MSI2: variants seen among roughly 807,000 people sequenced by gnomAD.
The protein encoded by MSI2 is RNA-binding protein Musashi homolog 2.
Under a neutral mutation model 45.6 loss-of-function variants are expected in MSI2, and 17 were observed. The observed-to-expected ratio is 0.37, with a 90% CI of 0.26 to 0.56. The LOEUF (loss-of-function observed/expected upper bound fraction) is 0.56, where lower values mean the gene tolerates loss of function less well. Among genes scored for constraint, MSI2 ranks in the 20% least tolerant of loss-of-function variants. The probability of loss-of-function intolerance (pLI) is 0.77; values close to 1 mark genes in which losing one functional copy is unlikely to be tolerated. For missense variants in MSI2, 293 were observed against 444.2 expected, an observed-to-expected ratio of 0.66 and a Z score of 3.06; for synonymous variants, 156 against 158.2, an observed-to-expected ratio of 0.99 and a Z score of 0.11.
rs145617987 is a variant in MSI2 at position 57,281,748 on chromosome 17, G to A, written c.312+19556G>A. Among the ~76,000 whole-genome samples the A allele has an allele frequency of 5.0e-3, 756 of 152,306 alleles. 4 individuals are homozygous for A. The highest frequency in any genetic ancestry group is 0.017 in the African/African-American group (717 of 41,560). Reference sequence around the variant, plus strand: ...TCAAAGGTGAGCCCGTTCTGCCTCAGTGAGGCCTTTTGTGTAAAAAGGGCC... The same window carrying A: ...TCAAAGGTGAGCCCGTTCTGCCTCAATGAGGCCTTTTGTGTAAAAAGGGCC... On this transcript the variant is annotated intron_variant, in intron 5 of 13. Transcript: ENST00000284073.
At chr17:57,558,203 G>A (rs1156848426) in intron 7 of MSI2, among the ~76,000 whole-genome samples, 3 of 152,132 alleles carry the variant, frequency 2.0e-5, no homozygotes, top group African/African-American at 7.2e-5. Flanking sequence ...AGCGTATTAG[G>A]CGCCTCTGTA....
At chr17:57,479,122 C>T (rs1341831474) in intron 6 of MSI2, among the ~76,000 whole-genome samples, 1 of 152,122 alleles carries the variant, frequency 6.6e-6, no homozygotes, top group Non-Finnish European at 1.5e-5. Context: ...GTGGCACCTT[C>T]CAGCCAATAG....
At chr17:57,434,352 G>A (rs1269982479) in intron 6 of MSI2, among the ~76,000 whole-genome samples, 1 of 152,094 alleles carries the variant, frequency 6.6e-6, no homozygotes, top group Non-Finnish European at 1.5e-5. Context: ...TGCCCGCCTC[G>A]GCCTCCCAAA....
intron 6 of MSI2, among the ~76,000 whole-genome samples, chr17:57,456,335 C>T (rs192472460): frequency 1.1e-3 from 168 of 152,300 alleles, no homozygotes; most frequent in Middle Eastern, 6.8e-3. Context: ...TTTGGCCGGG[C>T]GCAGTGGCTC....
At chr17:57,485,656 TC>T (rs2085739385) in intron 6 of MSI2, among the ~76,000 whole-genome samples, 1 of 152,216 alleles carries the variant, frequency 6.6e-6, no homozygotes. Flanking sequence ...GTGATGAGCT[TC>T]CTGAATCTTG....
chr17:57,593,091 G>A (rs975371237), intron 7 of MSI2, among the ~76,000 whole-genome samples: 9 of 152,066 alleles, frequency 5.9e-5, no homozygotes, highest in African/African-American at 2.2e-4. Flanking sequence ...CTTCAGTGGT[G>A]GCACTGACTT....
rs2083514711 is a variant in MSI2, at chr17:57,377,178, C to T, written c.313-24201C>T. Among the ~76,000 whole-genome samples, 2 of 152,160 alleles carry T rather than the reference C, an allele frequency of 1.3e-5. 1 individual carries two copies. Among genetic ancestry groups the T allele is most frequent in the African/African-American group, 4.8e-5 (2 of 41,428 alleles). ...CTTGTGATCTGCCCACCTTGGCCTC[C>T]CAAAGTGCTGGGACCACAGGCGTGA... On this transcript the variant is annotated intron_variant, in intron 5 of 13. Transcript: ENST00000284073.
At chr17:57,570,048 A>C (rs548780850) in intron 7 of MSI2, among the ~76,000 whole-genome samples, 3 of 152,346 alleles carry the variant, frequency 2.0e-5, no homozygotes, top group African/African-American at 7.2e-5. Context: ...AAAGGAAATT[A>C]TGGGACGCTC....
intron 5 of MSI2, among the ~76,000 whole-genome samples, chr17:57,374,007 C>A (rs2083457591): frequency 6.6e-6 from 1 of 152,138 alleles, no homozygotes; most frequent in Non-Finnish European, 1.5e-5. Flanking sequence ...ACCGATTTAC[C>A]ATGTCTACTT....
At chr17:57,431,609 T>G (rs905436021) in intron 6 of MSI2, among the ~76,000 whole-genome samples, 1 of 152,186 alleles carries the variant, frequency 6.6e-6, no homozygotes, top group Admixed American at 6.5e-5. Context: ...AGAAGACAGA[T>G]GTCAAAACAA....
chr17:57,444,179 T>C (rs2084852703), intron 6 of MSI2, among the ~76,000 whole-genome samples: 1 of 152,192 alleles, frequency 6.6e-6, no homozygotes, highest in African/African-American at 2.4e-5. Flanking sequence ...TTCCTGCACA[T>C]GGCTAGGCAT....
intron 6 of MSI2, among the ~76,000 whole-genome samples, chr17:57,430,907 G>T (rs1051084954): frequency 2.0e-5 from 3 of 152,228 alleles, no homozygotes; most frequent in Non-Finnish European, 2.9e-5. Flanking sequence ...TGCATTGGCT[G>T]TCCTGCCCGC....
At chr17:57,413,269 A>T (rs912184950) in intron 6 of MSI2, among the ~76,000 whole-genome samples, 8 of 152,162 alleles carry the variant, frequency 5.3e-5, no homozygotes, top group Non-Finnish European at 1.2e-4. Flanking sequence ...CCTGGCAATG[A>T]TGCAAACTAA....
At chr17:57,556,463 G>T (rs2144218220) in intron 7 of MSI2, among the ~76,000 whole-genome samples, 1 of 152,368 alleles carries the variant, frequency 6.6e-6, no homozygotes, top group East Asian at 1.9e-4. Context: ...GAGGTGGGCA[G>T]ACGAGGGATG....
In MSI2 at chr17:57,638,763, A is replaced by G. The variant is rs1055499641; in HGVS notation, c.727+11460A>G. On this transcript the variant is annotated intron_variant, in intron 10 of 13. Transcript: ENST00000284073. Reference sequence around the variant, plus strand: ...AAAATATTTAAAAAATTAGCCAGGCATGGGGGCACACACCTGAAATCCCAG... The same window carrying G: ...AAAATATTTAAAAAATTAGCCAGGCGTGGGGGCACACACCTGAAATCCCAG... Among the ~76,000 whole-genome samples, 16 of 152,034 alleles carry G rather than the reference A, an allele frequency of 1.1e-4. 1 individual carries two copies. The highest frequency in any genetic ancestry group is 3.1e-4 in the African/African-American group (13 of 41,382).
chr17:57,294,990 G>A (rs1376729863), intron 5 of MSI2, among the ~76,000 whole-genome samples: 2 of 151,964 alleles, frequency 1.3e-5, no homozygotes, highest in African/African-American at 4.8e-5. Flanking sequence ...TGCTAAAGGT[G>A]TTTCAGGACC....
chr17:57,391,706 A>G (rs1225800298), intron 5 of MSI2, among the ~76,000 whole-genome samples: 2 of 152,094 alleles, frequency 1.3e-5, no homozygotes, highest in East Asian at 3.9e-4. Flanking sequence ...CAACCCCACC[A>G]TCCTGTCTGG....
At chr17:57,390,777 G>A (rs2083775885) in intron 5 of MSI2, among the ~76,000 whole-genome samples, 1 of 152,166 alleles carries the variant, frequency 6.6e-6, no homozygotes, top group South Asian at 2.1e-4. Context: ...CAGTTTACTG[G>A]AGAGATGGGC....
intron 6 of MSI2, among the ~76,000 whole-genome samples, chr17:57,446,494 C>G (rs1392104667): frequency 6.6e-6 from 1 of 152,196 alleles, no homozygotes; most frequent in African/African-American, 2.4e-5. Context: ...CTTTGGGGCT[C>G]TCTGCCACTT....
Sources: gnomAD v4.1 joint callset for allele counts (sites outside exome capture counted in the v4.1 genomes callset) on GRCh38, gnomAD v4.1.1 for gene constraint, MANE v1.5 for transcripts, NCBI Gene and HGNC (gene_info 2026-07-23, HGNC 2026-07-21) for gene names.